DPYD: variants seen among roughly 807,000 people sequenced by gnomAD.
The protein encoded by DPYD is dihydropyrimidine dehydrogenase [NADP(+)].
Under a neutral mutation model 116.2 loss-of-function variants are expected in DPYD, and 109 were observed. The observed-to-expected ratio is 0.94, with a 90% CI of 0.80 to 1.10. The LOEUF is 1.10. Among genes scored for constraint, DPYD ranks in the 50% least tolerant of loss-of-function variants. DPYD has a pLI of 0.00. For missense variants in DPYD, 1,302 were observed against 1,254.5 expected, an observed-to-expected ratio of 1.04 and a Z score of -0.57; for synonymous variants, 440 against 432.0, an observed-to-expected ratio of 1.02 and a Z score of -0.23.
chr1:97,802,383 T>C (rs1667886886), intron 3 of DPYD, among the ~76,000 whole-genome samples: 1 of 151,882 alleles, frequency 6.6e-6, no homozygotes, highest in African/African-American at 2.4e-5. Context: ...GTCTCCACAT[T>C]TGCAGACTGT....
chr1:97,486,049 T>C (rs1447757066), intron 13 of DPYD, among the ~76,000 whole-genome samples: 2 of 152,190 alleles, frequency 1.3e-5, no homozygotes, highest in African/African-American at 4.8e-5. Context: ...AATGTATTAG[T>C]TAAAGGATTT....
chr1:97,087,659 T>C (rs1035511978), intron 21 of DPYD, among the ~76,000 whole-genome samples: 12 of 152,194 alleles, frequency 7.9e-5, no homozygotes, highest in African/African-American at 2.9e-4. Flanking sequence ...ATTTTTTCTA[T>C]CTGGGATGAG....
chr1:97,752,256 TCTCC>T (rs1225423495), intron 3 of DPYD, among the ~76,000 whole-genome samples: 1 of 150,908 alleles, frequency 6.6e-6, no homozygotes, highest in Non-Finnish European at 1.5e-5. Flanking sequence ...ATGGTGTCAT[TCTCC>T]CTTTTACAAA....
intron 13 of DPYD, among the ~76,000 whole-genome samples, chr1:97,509,706 G>C (rs534187728): frequency 1.3e-4 from 20 of 151,984 alleles, no homozygotes; most frequent in African/African-American, 4.6e-4. Flanking sequence ...TGGAAAAAAG[G>C]TTCTCAAAAT....
At chr1:97,506,670 C>T (rs538218481) in intron 13 of DPYD, among the ~76,000 whole-genome samples, 1 of 152,014 alleles carries the variant, frequency 6.6e-6, no homozygotes, top group South Asian at 2.1e-4. Context: ...TTTGTCCACT[C>T]TACCAAAATG....
At chr1:97,301,970 A>C (rs1666891991) in intron 18 of DPYD, among the ~76,000 whole-genome samples, 1 of 152,124 alleles carries the variant, frequency 6.6e-6, no homozygotes, top group East Asian at 1.9e-4. Context: ...TGGGAAAAAT[A>C]ATGGGTCACG....
At chr1:97,451,009 T>C (rs1184277107) in intron 13 of DPYD, among the ~76,000 whole-genome samples, 1 of 152,136 alleles carries the variant, frequency 6.6e-6, no homozygotes, top group South Asian at 2.1e-4. Context: ...CAACTTCCAA[T>C]TAAAATTAAT....
chr1:97,117,743 A>G (rs1652093751), intron 20 of DPYD, among the ~76,000 whole-genome samples: 1 of 152,200 alleles, frequency 6.6e-6, no homozygotes, highest in Non-Finnish European at 1.5e-5. Context: ...TAAATTTATT[A>G]GGGAGTTTTC....
intron 21 of DPYD, among the ~76,000 whole-genome samples, chr1:97,084,750 C>G (rs1232252840): frequency 6.6e-6 from 1 of 152,158 alleles, no homozygotes; most frequent in Non-Finnish European, 1.5e-5. Context: ...TATGCTGACT[C>G]ATTTGTTATT....
At chr1:97,535,552 A>C (rs1054368537) in intron 12 of DPYD, among the ~76,000 whole-genome samples, 1 of 152,184 alleles carries the variant, frequency 6.6e-6, no homozygotes, top group African/African-American at 2.4e-5. Flanking sequence ...CTCTGCCTGA[A>C]GTAGCAATCT....
intron 1 of DPYD, among the ~76,000 whole-genome samples, chr1:97,897,801 C>T (rs959117101): frequency 1.3e-5 from 2 of 151,850 alleles, no homozygotes; most frequent in African/African-American, 4.8e-5. Context: ...GCTAATTTAA[C>T]ATCTGTGTCG....
Position 97,373,663 on chromosome 1 carries a change from A to G in DPYD, c.1975-19T>C. Reference sequence around the variant, plus strand: ...CAGAATCCTTTAAACAAGAAAGGAAAATGAAAGAAAAGGCAAAGCTTTATT... The same window carrying G: ...CAGAATCCTTTAAACAAGAAAGGAAGATGAAAGAAAAGGCAAAGCTTTATT... On this transcript the variant is annotated intron_variant, in intron 15 of 22. Transcript: ENST00000370192. 6.2e-7 allele frequency: 1 copy of G among 1,606,728 alleles called. No homozygotes were observed. Among genetic ancestry groups the G allele is most frequent in the Non-Finnish European group, 8.5e-7 (1 of 1,173,524 alleles).
intron 18 of DPYD, among the ~76,000 whole-genome samples, chr1:97,298,877 C>T (rs1182626993): frequency 6.6e-6 from 1 of 152,118 alleles, no homozygotes; most frequent in African/African-American, 2.4e-5. Flanking sequence ...GGACTCTTTT[C>T]CTTATCATTA....
chr1:97,874,005 A>G (rs2101622462), intron 2 of DPYD, among the ~76,000 whole-genome samples: 1 of 152,106 alleles, frequency 6.6e-6, no homozygotes, highest in Admixed American at 6.6e-5. Flanking sequence ...GAAAGGGAGT[A>G]TAAGGAGTAA....
At chr1:97,583,653 T>TC (rs891250502) in intron 10 of DPYD, among the ~76,000 whole-genome samples, 13 of 119,182 alleles carry the variant, frequency 1.1e-4, no homozygotes, top group African/African-American at 3.2e-4. Flanking sequence ...GTATTTCCTT[T>TC]TTTTTTTTTT....
intron 3 of DPYD, among the ~76,000 whole-genome samples, chr1:97,792,058 G>A (rs1667347020): frequency 6.6e-6 from 1 of 150,504 alleles, no homozygotes; most frequent in Admixed American, 6.6e-5. Context: ...TGTTCTAAGA[G>A]AACCTTTCAC....
intron 5 of DPYD, among the ~76,000 whole-genome samples, chr1:97,707,836 AT>A (rs1359750657): frequency 5.9e-5 from 9 of 151,934 alleles, no homozygotes; most frequent in African/African-American, 2.2e-4. Context: ...TCTTTGTATC[AT>A]TTTTTAAATG....
chr1:97,418,399 C>G (rs1025039191), intron 14 of DPYD, among the ~76,000 whole-genome samples: 2 of 151,154 alleles, frequency 1.3e-5, no homozygotes, highest in Non-Finnish European at 2.9e-5. Context: ...CTCTCAGGTT[C>G]AAGTGATTCT....
chr1:97,892,109 GT>G (rs1408153021), intron 1 of DPYD, among the ~76,000 whole-genome samples: 1 of 151,572 alleles, frequency 6.6e-6, no homozygotes, highest in African/African-American at 2.4e-5. Flanking sequence ...TAATAAACAT[GT>G]TTTTCCCATT....
Sources: gnomAD v4.1 joint callset for allele counts (sites outside exome capture counted in the v4.1 genomes callset) on GRCh38, gnomAD v4.1.1 for gene constraint, MANE v1.5 for transcripts, NCBI Gene and HGNC (gene_info 2026-07-23, HGNC 2026-07-21) for gene names.